Variants in SNTG1 observed in about 807,000 individuals in gnomAD.
SNTG1 encodes syntrophin gamma 1, also known as gamma-1-syntrophin.
In SNTG1, 39 loss-of-function variants were observed where a neutral mutation model predicts 74.7. That is an observed-to-expected ratio of 0.52 (90% confidence interval 0.40 to 0.68). The LOEUF (loss-of-function observed/expected upper bound fraction) is 0.68. Ranked by LOEUF, SNTG1 falls within the 30% of genes least tolerant of loss-of-function variation. The probability of loss-of-function intolerance (pLI) is 0.00; values close to 1 mark genes in which losing one functional copy is unlikely to be tolerated. For missense variants in SNTG1, 685 were observed against 609.5 expected, an observed-to-expected ratio of 1.12 and a Z score of -1.30; for synonymous variants, 254 against 217.1, an observed-to-expected ratio of 1.17 and a Z score of -1.49.
chr8:50,381,079 G>A (rs2092471291), intron 2 of SNTG1: 1 of 152,116 alleles, frequency 6.6e-6, no homozygotes, highest in Non-Finnish European at 1.5e-5. Context: ...CAAAGATGAG[G>A]TAGGGGACAT....
In SNTG1 at chr8:50,450,479, T is replaced by A; in HGVS notation, c.278-77T>A. The A allele has an allele frequency of 2.8e-6, 4 of 1,449,282 alleles. No homozygotes were observed. In the South Asian group the frequency reaches 4.7e-5, roughly 17 times the overall value. 89.8% of individuals were successfully genotyped at this position (1,449,282 alleles called of 1,614,324 possible). On this transcript the variant is annotated intron_variant, in intron 6 of 18. Transcript: ENST00000642720. Reference sequence around the variant, plus strand: ...AATTTTTATATTTGTAAATTTTACCTTTATTTAATTAAAAGTCCTTTCATC... The same window carrying A: ...AATTTTTATATTTGTAAATTTTACCATTATTTAATTAAAAGTCCTTTCATC...
At chr8:50,411,093 T>C (rs1024708208) in intron 4 of SNTG1, among the ~76,000 whole-genome samples, 1 of 152,168 alleles carries the variant, frequency 6.6e-6, no homozygotes, top group Non-Finnish European at 1.5e-5. Context: ...ATTTTATGTT[T>C]GCGCTTCTCC....
chr8:50,194,213 T>A (rs1367570033), intron 2 of SNTG1, among the ~76,000 whole-genome samples: 1 of 152,178 alleles, frequency 6.6e-6, no homozygotes, highest in African/African-American at 2.4e-5. Context: ...TCCTTCTTCC[T>A]CTATCTTGTG....
At chr8:50,787,009 G>A (rs996525088) in intron 18 of SNTG1, among the ~76,000 whole-genome samples, 1 of 151,830 alleles carries the variant, frequency 6.6e-6, no homozygotes, top group African/African-American at 2.4e-5. Flanking sequence ...AAAATTTAAA[G>A]CACTTGTGCT....
At chr8:50,748,579 G>C (rs1185504699) in intron 17 of SNTG1, among the ~76,000 whole-genome samples, 1 of 151,942 alleles carries the variant, frequency 6.6e-6, no homozygotes, top group Non-Finnish European at 1.5e-5. Context: ...CATATACTGT[G>C]TCTTTTACAA....
chr8:50,739,661 C>T (rs982528265), intron 17 of SNTG1, among the ~76,000 whole-genome samples: 3 of 151,654 alleles, frequency 2.0e-5, no homozygotes, highest in East Asian at 1.9e-4. Context: ...CATGTGTATC[C>T]CAGAACTTAA....
chr8:50,539,081 G>A (rs1444024433), intron 11 of SNTG1, among the ~76,000 whole-genome samples: 1 of 151,878 alleles, frequency 6.6e-6, no homozygotes, highest in Non-Finnish European at 1.5e-5. Flanking sequence ...AAGAAAACTT[G>A]TAATTGCCTG....
At chr8:50,734,830 TATATATCTATATATATGGAC>T (rs1378151365) in intron 17 of SNTG1, among the ~76,000 whole-genome samples, 4 of 88,370 alleles carry the variant, frequency 4.5e-5, no homozygotes, top group African/African-American at 1.1e-4. Context: ...TATGGACATA[TATATATCTATATATATGGAC>T]ATATATATAT....
At chr8:50,554,712 G>A (rs1205993431) in intron 12 of SNTG1, among the ~76,000 whole-genome samples, 3 of 152,076 alleles carry the variant, frequency 2.0e-5, no homozygotes, top group Non-Finnish European at 4.4e-5. Context: ...GAAAAGAAAT[G>A]CAATGTTTCT....
intron 15 of SNTG1, 35 bp from the exon 16 acceptor site, chr8:50,704,565 G>A: frequency 6.2e-7 from 1 of 1,613,656 alleles, no homozygotes; most frequent in Non-Finnish European, 8.5e-7. Flanking sequence ...GTGAAGTGAT[G>A]TGTGCCAGCC....
At chr8:50,215,104 C>G (rs570474714) in intron 2 of SNTG1, among the ~76,000 whole-genome samples, 1 of 152,192 alleles carries the variant, frequency 6.6e-6, no homozygotes, top group Non-Finnish European at 1.5e-5. Context: ...CACATGTGCA[C>G]CAGTCCCGGA....
At chr8:50,240,522 A>C (rs1383978090) in intron 2 of SNTG1, among the ~76,000 whole-genome samples, 1 of 152,220 alleles carries the variant, frequency 6.6e-6, no homozygotes, top group African/African-American at 2.4e-5. Context: ...TCTTAGAACA[A>C]ACTAAACCTA....
intron 1 of SNTG1, among the ~76,000 whole-genome samples, chr8:50,162,071 T>C (rs2082434820): frequency 6.6e-6 from 1 of 152,094 alleles, no homozygotes; most frequent in South Asian, 2.1e-4. Flanking sequence ...TTGAATTGAA[T>C]TGTACAGCGT....
intron 13 of SNTG1, among the ~76,000 whole-genome samples, chr8:50,617,745 G>A (rs1178621552): frequency 1.3e-5 from 2 of 152,178 alleles, no homozygotes; most frequent in Non-Finnish European, 2.9e-5. Context: ...ATGACTGGGG[G>A]CTGCATGCAC....
intron 2 of SNTG1, among the ~76,000 whole-genome samples, chr8:50,282,179 C>T (rs1366640087): frequency 1.3e-5 from 2 of 152,122 alleles, no homozygotes; most frequent in Non-Finnish European, 2.9e-5. Flanking sequence ...AAATGTCAGC[C>T]CCAAGATAAC....
chr8:50,704,944 G>A (rs1379455169), intron 16 of SNTG1, among the ~76,000 whole-genome samples, 192 bp downstream of exon 16: 1 of 151,958 alleles, frequency 6.6e-6, no homozygotes, highest in Admixed American at 6.6e-5. Context: ...ATTTTTCCAC[G>A]ACTTGATCTT....
intron 15 of SNTG1, among the ~76,000 whole-genome samples, chr8:50,671,883 T>C (rs1304718634): frequency 2.6e-5 from 4 of 151,886 alleles, no homozygotes; most frequent in East Asian, 1.9e-4. Flanking sequence ...GATGAGTTCA[T>C]GTCCTTTGTA....
At chr8:50,211,302 C>G (rs919744936) in intron 2 of SNTG1, among the ~76,000 whole-genome samples, 1 of 151,786 alleles carries the variant, frequency 6.6e-6, no homozygotes, top group Non-Finnish European at 1.5e-5. Context: ...TTAAATGCAC[C>G]CTTAGAAACA....
intron 1 of SNTG1, among the ~76,000 whole-genome samples, chr8:50,041,115 C>T (rs1586015086): frequency 1.3e-5 from 2 of 152,104 alleles, no homozygotes; most frequent in East Asian, 1.9e-4. Flanking sequence ...AGTCTGGTCT[C>T]GAGCTCCCGA....
Sources: gnomAD v4.1 joint callset for allele counts (sites outside exome capture counted in the v4.1 genomes callset) on GRCh38, gnomAD v4.1.1 for gene constraint, MANE v1.5 for transcripts, NCBI Gene and HGNC (gene_info 2026-07-23, HGNC 2026-07-21) for gene names.